LPP: variants seen among roughly 807,000 people sequenced by gnomAD.
The protein encoded by LPP is LIM domain containing preferred translocation partner in lipoma, also known as lipoma-preferred partner.
In LPP, 38 loss-of-function variants were observed where a neutral mutation model predicts 60.4. The ratio of observed to expected loss-of-function variants is 0.63; its 90% CI spans 0.49 to 0.83. LPP has a LOEUF of 0.83. LPP is among the 40% of genes least tolerant of loss of function. The pLI, the probability that LPP is intolerant of heterozygous loss-of-function variation, is 0.00. For synonymous variants in LPP, 328 were observed against 290.8 expected (o/e 1.13, Z -1.30); for missense variants, 902 against 783.6 (o/e 1.15, Z -1.80).
chr3:188,448,804 T>C (rs972711532), intron 4 of LPP, among the ~76,000 whole-genome samples: 3 of 152,234 alleles, frequency 2.0e-5, no homozygotes, highest in Non-Finnish European at 4.4e-5. Flanking sequence ...AGGCTTTTTA[T>C]GTTCATAAAA....
At chr3:188,508,803 A>G (rs1277602296) in intron 5 of LPP, among the ~76,000 whole-genome samples, 1 of 152,212 alleles carries the variant, frequency 6.6e-6, no homozygotes, top group Non-Finnish European at 1.5e-5. Flanking sequence ...GAATTCTTTA[A>G]TGTGTTCAGA....
intron 3 of LPP, among the ~76,000 whole-genome samples, chr3:188,361,387 G>A (rs1169281295): frequency 6.6e-6 from 1 of 151,486 alleles, no homozygotes; most frequent in African/African-American, 2.4e-5. Context: ...TGCCTAAAAG[G>A]GTGCATTCTC....
Position 188,878,321 on chromosome 3 carries a change from G to A in LPP, c.*3842G>A, listed in dbSNP as rs1216658063. 1 of 220,320 alleles carries A rather than the reference G, an allele frequency of 4.5e-6. No homozygotes were observed. The allele number at this position is 220,320 out of a possible 1,614,324, so 13.6% of individuals were successfully genotyped here. ...CTGCTAGGGAGATCAGGGAAACACT[G>A]ATGTAACCTCAAAGCCTCTCACCAT... On this transcript the variant is annotated 3_prime_UTR_variant, in exon 12 of 12. Coordinates refer to ENST00000617246, the MANE Select transcript of LPP (RefSeq NM_001375462.1).
At chr3:188,760,609 A>G (rs909919424) in intron 9 of LPP, among the ~76,000 whole-genome samples, 2 of 152,156 alleles carry the variant, frequency 1.3e-5, no homozygotes, top group African/African-American at 4.8e-5. Flanking sequence ...TCTTTCTTAA[A>G]GCATCAGAAA....
intron 4 of LPP, among the ~76,000 whole-genome samples, chr3:188,413,428 G>A (rs888004252): frequency 6.6e-6 from 1 of 152,088 alleles, no homozygotes; most frequent in Non-Finnish European, 1.5e-5. Context: ...TGGACGTTTG[G>A]TATAAGTATG....
chr3:188,407,868 G>A (rs969621419), intron 4 of LPP, among the ~76,000 whole-genome samples: 1 of 132,658 alleles, frequency 7.5e-6, no homozygotes, highest in Non-Finnish European at 1.5e-5. Context: ...TCGGCTCACT[G>A]CAACCTCCGC....
At chr3:188,696,956 C>T (rs1380440096) in intron 7 of LPP, among the ~76,000 whole-genome samples, 2 of 152,146 alleles carry the variant, frequency 1.3e-5, no homozygotes, top group African/African-American at 2.4e-5. Context: ...CTACACTGCT[C>T]GTGTACTCTA....
At chr3:188,726,194 C>A (rs973742352) in intron 8 of LPP, among the ~76,000 whole-genome samples, 14 of 152,076 alleles carry the variant, frequency 9.2e-5, no homozygotes, top group Admixed American at 9.2e-4. Flanking sequence ...GAAGATCAGT[C>A]TGGGTGTCAT....
intron 2 of LPP, among the ~76,000 whole-genome samples, chr3:188,298,523 A>G (rs1342944736): frequency 1.3e-5 from 2 of 152,092 alleles, no homozygotes; most frequent in African/African-American, 4.8e-5. Context: ...TCATCTCCCT[A>G]AATGTTTGGG....
At chr3:188,476,870 A>G (rs1382643507) in intron 4 of LPP, among the ~76,000 whole-genome samples, 1 of 152,206 alleles carries the variant, frequency 6.6e-6, no homozygotes. Context: ...GAAGGGAGAT[A>G]TATTGTGCTA....
At chr3:188,187,247 T>C (rs1182322802) in intron 1 of LPP, among the ~76,000 whole-genome samples, 2 of 152,208 alleles carry the variant, frequency 1.3e-5, no homozygotes, top group Non-Finnish European at 2.9e-5. Flanking sequence ...CATTATGATT[T>C]CTAGGTAAAT....
intron 3 of LPP, among the ~76,000 whole-genome samples, chr3:188,343,860 T>C (rs554164202): frequency 1.3e-5 from 2 of 152,182 alleles, no homozygotes; most frequent in African/African-American, 4.8e-5. Flanking sequence ...TCAGTGGCAG[T>C]AATGAAGAAA....
At chr3:188,585,616 T>C (rs1469630617) in intron 6 of LPP, among the ~76,000 whole-genome samples, 1 of 152,228 alleles carries the variant, frequency 6.6e-6, no homozygotes, top group African/African-American at 2.4e-5. Context: ...ACATACTGCT[T>C]TCGCCCCTGG....
chr3:188,623,146 A>G (rs1215886322), intron 7 of LPP, among the ~76,000 whole-genome samples: 1 of 151,870 alleles, frequency 6.6e-6, no homozygotes, highest in African/African-American at 2.4e-5. Flanking sequence ...TAAGGGCTTA[A>G]AGAGTGGCTC....
At chr3:188,171,011 T>C (rs919018143) in intron 1 of LPP, among the ~76,000 whole-genome samples, 1 of 152,134 alleles carries the variant, frequency 6.6e-6, no homozygotes, top group Admixed American at 6.5e-5. Flanking sequence ...TCCTTGTTTT[T>C]CATATCTGTA....
At chr3:188,543,981 G>T (rs1027710349) in intron 6 of LPP, among the ~76,000 whole-genome samples, 5 of 152,272 alleles carry the variant, frequency 3.3e-5, no homozygotes, top group African/African-American at 1.2e-4. Flanking sequence ...GGCATGTGGG[G>T]TATCATGAGA....
chr3:188,673,646 A>G (rs899458981), intron 7 of LPP, among the ~76,000 whole-genome samples: 3 of 152,096 alleles, frequency 2.0e-5, no homozygotes, highest in African/African-American at 7.2e-5. Context: ...CCCTGAAGCT[A>G]TGATTCTGGA....
intron 4 of LPP, among the ~76,000 whole-genome samples, chr3:188,435,946 C>T (rs1374820793): frequency 2.0e-5 from 3 of 152,182 alleles, no homozygotes; most frequent in African/African-American, 4.8e-5. Context: ...GACCTGTTTC[C>T]TTGCCATAGA....
intron 3 of LPP, among the ~76,000 whole-genome samples, chr3:188,349,319 T>A (rs1765232464): frequency 1.3e-5 from 2 of 152,190 alleles, no homozygotes; most frequent in South Asian, 4.1e-4. Context: ...ATGAAATATT[T>A]TAGTTTCCTT....
Sources: allele counts gnomAD v4.1 joint callset (sites outside exome capture counted in the v4.1 genomes callset), GRCh38; gene constraint gnomAD v4.1.1; transcripts MANE v1.5; gene names NCBI Gene and HGNC (gene_info 2026-07-23, HGNC 2026-07-21).